VWA2: variants seen among roughly 807,000 people sequenced by gnomAD.
VWA2 encodes the protein von Willebrand factor A domain containing 2.
VWA2 carries 73 observed loss-of-function variants against 70.4 expected under a neutral mutation model. The observed-to-expected ratio is 1.04, with a 90% CI of 0.86 to 1.26. VWA2 has a LOEUF of 1.26. Among genes scored for constraint, VWA2 ranks in the 50% most tolerant of loss-of-function variants. The pLI is 0.00. For missense variants in VWA2, 1,011 were observed against 998.5 expected, an observed-to-expected ratio of 1.01 and a Z score of -0.17; for synonymous variants, 407 against 423.3, an observed-to-expected ratio of 0.96 and a Z score of 0.47.
intron 6 of VWA2, among the ~76,000 whole-genome samples, chr10:114,277,660 T>TA (rs2037878448): frequency 6.6e-6 from 1 of 152,240 alleles, no homozygotes; most frequent in Non-Finnish European, 1.5e-5. Context: ...TTGGAGTTCT[T>TA]ACGTCCATTG....
At chr10:114,264,801 C>A (rs1403699203) in intron 5 of VWA2, among the ~76,000 whole-genome samples, 1 of 151,676 alleles carries the variant, frequency 6.6e-6, no homozygotes, top group Admixed American at 6.6e-5. Context: ...CTCACTGTCA[C>A]CTCCACCTCC....
At position 114,286,187 on chromosome 10, in the gene VWA2, C is replaced by CGTG; in HGVS notation, c.1251_1253dup (p.Gly418dup). 1 of 1,614,040 alleles carries CGTG rather than the reference C, an allele frequency of 6.2e-7. No individual in the cohort carries two copies. Among genetic ancestry groups the CGTG allele is most frequent in the Non-Finnish European group, 8.5e-7 (1 of 1,180,004 alleles). ...CTGGAGCCTCGATGGCATTCCCTTC[C>CGTG]GTGGTGGCCCCACCCTGACGGGCAG... On this transcript the variant is annotated inframe_insertion, in exon 11 of 14. Coordinates refer to ENST00000392982, the MANE Select transcript of VWA2 (RefSeq NM_001272046.2).
chr10:114,289,992 CAAAAA>C (rs35165936), intron 12 of VWA2: 363 of 212,536 alleles, frequency 1.7e-3, no homozygotes, highest in Middle Eastern at 4.8e-3. Flanking sequence ...GATTCTGCCT[CAAAAA>C]AAAAAAAAAA....
chr10:114,279,440 C>A (rs1446195203), intron 8 of VWA2, among the ~76,000 whole-genome samples: 3 of 152,032 alleles, frequency 2.0e-5, no homozygotes, highest in African/African-American at 7.2e-5. Context: ...TTCTGGGGGG[C>A]CGGGGCAGTG....
chr10:114,290,792 T>C (rs2039514733), intron 13 of VWA2, among the ~76,000 whole-genome samples: 2 of 152,104 alleles, frequency 1.3e-5, no homozygotes, highest in African/African-American at 4.8e-5. Flanking sequence ...AAGCTCTTTT[T>C]GGGGTGCTAT....
chr10:114,255,137 C>T (rs186735145), intron 4 of VWA2, 89 bp downstream of exon 4: 11 of 1,530,402 alleles, frequency 7.2e-6, no homozygotes, highest in Admixed American at 1.7e-5. Flanking sequence ...GGCATCTACT[C>T]GCTTGTGGAG....
At chr10:114,254,613 A>G (rs569091571) in intron 3 of VWA2, among the ~76,000 whole-genome samples, 8 of 152,286 alleles carry the variant, frequency 5.3e-5, no homozygotes, top group African/African-American at 1.7e-4. Flanking sequence ...GCCTGGGACC[A>G]AGCCTTTTCA....
At chr10:114,256,781 G>A (rs1436366293) in intron 4 of VWA2, among the ~76,000 whole-genome samples, 2 of 151,822 alleles carry the variant, frequency 1.3e-5, no homozygotes, top group African/African-American at 2.4e-5. Flanking sequence ...ATGGTGGCAC[G>A]TGCCTGTAGT....
rs1158183917 is a variant in VWA2 at position 114,293,539 on chromosome 10, T to C, written c.*2302T>C. Among the ~76,000 whole-genome samples the C allele has an allele frequency of 6.6e-6, 1 of 152,172 alleles. No individual in the cohort carries two copies. The highest frequency in any genetic ancestry group is 2.4e-5 in the African/African-American group (1 of 41,442). ...CACTAAATAGTTCAGCTTTTGTCAGTCCCCCAGGAAAGTGCTATCCTATGG... is the reference window on the plus strand; with the variant it reads ...CACTAAATAGTTCAGCTTTTGTCAGCCCCCCAGGAAAGTGCTATCCTATGG... On this transcript the variant is annotated 3_prime_UTR_variant, in exon 14 of 14. Transcript: ENST00000392982.
intron 2 of VWA2, among the ~76,000 whole-genome samples, chr10:114,249,117 A>G (rs765608767): frequency 7.2e-5 from 11 of 151,978 alleles, no homozygotes; most frequent in Non-Finnish European, 1.5e-4. Flanking sequence ...CTATCAACCC[A>G]TCACTTAGGT....
At chr10:114,254,795 C>A in intron 3 of VWA2, 120 bp from the exon 4 acceptor site, 1 of 1,364,198 alleles carries the variant, frequency 7.3e-7, no homozygotes. Flanking sequence ...GCAGTTCTCC[C>A]CTTTCATGCT....
Position 114,291,335 on chromosome 10 carries a change from C to A in VWA2, c.*98C>A. On this transcript the variant is annotated 3_prime_UTR_variant, in exon 14 of 14. Coordinates refer to ENST00000392982, the MANE Select transcript of VWA2 (RefSeq NM_001272046.2). ...AAATGGTGCCTACCTTCTGGAATGT[C>A]TGTGCCCCAGGTCCTTAGAATGTCT... The A allele has an allele frequency of 7.2e-7, 1 of 1,389,478 alleles. No individual in the cohort carries two copies. Among genetic ancestry groups the A allele is most frequent in the Non-Finnish European group, 9.6e-7 (1 of 1,037,690 alleles). The allele number at this position is 1,389,478 out of a possible 1,614,324, so 86.1% of individuals were successfully genotyped here. A position where few individuals can be genotyped will look rare whatever the true frequency, so the allele number is the denominator to read the frequency against.
Position 114,289,286 on chromosome 10 carries a change from C to T in VWA2, c.1919C>T (p.Thr640Ile), listed in dbSNP as rs1223893221. Residue 640 changes from threonine (T) to isoleucine (I), a missense_variant, in exon 12 of 14, where the codon ACA becomes ATA. Transcript: ENST00000392982. ...PGVPKAVVVL[T>I]GGRGAEDAAV... Reference sequence around the variant, plus strand: ...GTCCCCAAAGCTGTGGTGGTGCTCACAGGCGGGAGAGGCGCAGAGGATGCA... The same window carrying T: ...GTCCCCAAAGCTGTGGTGGTGCTCATAGGCGGGAGAGGCGCAGAGGATGCA... 1.2e-6 allele frequency: 2 copies of T among 1,614,004 alleles called. No homozygotes were observed.
At chr10:114,263,328 ATT>A (rs35723083) in intron 5 of VWA2, among the ~76,000 whole-genome samples, 57 of 76,114 alleles carry the variant, frequency 7.5e-4, no homozygotes, top group Non-Finnish European at 1.0e-3. Flanking sequence ...AATCTCCCCC[ATT>A]TTTTTTTTTT....
At chr10:114,240,897 C>T (rs572906454) in intron 1 of VWA2, among the ~76,000 whole-genome samples, 3 of 152,312 alleles carry the variant, frequency 2.0e-5, no homozygotes, top group African/African-American at 4.8e-5. Flanking sequence ...GGATTGCTTT[C>T]CTCATCATCT....
At chr10:114,250,288 C>G (rs1319743642) in intron 2 of VWA2, among the ~76,000 whole-genome samples, 1 of 152,210 alleles carries the variant, frequency 6.6e-6, no homozygotes, top group Non-Finnish European at 1.5e-5. Flanking sequence ...ACGGTTTATG[C>G]TTCAGAAATA....
rs1275701245 is a variant in VWA2 at position 114,289,371 on chromosome 10, G to T, written c.2004G>T (p.Gly668=). ...NGISVLVVGV[G]PVLSEGLRRL... is the part of the protein sequence containing the mutation. ...TCTCTGTCTTGGTCGTGGGCGTGGG[G>T]CCTGTCCTAAGTGAGGGTCTGCGGA... Residue 668 remains glycine (G), a synonymous_variant, in exon 12 of 14, where the codon GGG becomes GGT. Transcript: ENST00000392982. The T allele has an allele frequency of 1.9e-6, 3 of 1,614,236 alleles. No individual in the cohort carries two copies. The highest frequency in any genetic ancestry group is 2.5e-6 in the Non-Finnish European group (3 of 1,180,040).
In VWA2 at chr10:114,286,058, G is replaced by A. The variant is rs1263932540; in HGVS notation, c.1117G>A (p.Val373Met). Residue 373 changes from valine (V) to methionine (M), a missense_variant, in exon 11 of 14, where the codon GTG (valine) becomes ATG (methionine). Val to Met is a conservative substitution (Grantham distance 21). Transcript: ENST00000392982. ...KVFVKRFVRA[V>M]LSEDSRARVG... Reference sequence around the variant, plus strand: ...CTTCGTGAAGCGGTTTGTGCGGGCCGTGCTGAGCGAGGACTCTCGGGCCCG... The same window carrying A: ...CTTCGTGAAGCGGTTTGTGCGGGCCATGCTGAGCGAGGACTCTCGGGCCCG... The A allele has an allele frequency of 7.4e-6, 12 of 1,614,190 alleles. No individual in the cohort carries two copies. The highest frequency in any genetic ancestry group is 1.6e-4 in the Middle Eastern group (1 of 6,062).
intron 5 of VWA2, among the ~76,000 whole-genome samples, chr10:114,266,318 T>A (rs977234781): frequency 6.6e-6 from 1 of 151,774 alleles, no homozygotes; most frequent in African/African-American, 2.4e-5. Context: ...AAAATTAAAC[T>A]TTGTAGGTAC....
Sources: allele counts gnomAD v4.1 joint callset (sites outside exome capture counted in the v4.1 genomes callset), GRCh38; gene constraint gnomAD v4.1.1; transcripts MANE v1.5; gene names NCBI Gene and HGNC (gene_info 2026-07-23, HGNC 2026-07-21).